Variants in OXCT1 observed in about 807,000 individuals in gnomAD.
The protein encoded by OXCT1 is succinyl-CoA:3-ketoacid coenzyme A transferase 1, mitochondrial.
A neutral mutation model predicts 69.6 loss-of-function variants in OXCT1; 27 were observed. The observed-to-expected ratio is 0.39, with a 90% CI of 0.29 to 0.54. The LOEUF is 0.54. Among genes scored for constraint, OXCT1 ranks in the 20% least tolerant of loss-of-function variants. The pLI is 0.72. For missense variants in OXCT1, 437 were observed against 650.2 expected (o/e 0.67, Z 3.57); for synonymous variants, 202 against 217.8 (o/e 0.93, Z 0.64).
chr5:41,843,664 T>C (rs1748755171), intron 5 of OXCT1: 1 of 452,650 alleles, frequency 2.2e-6, no homozygotes, highest in Non-Finnish European at 4.4e-6. Flanking sequence ...AATGGAGCCA[T>C]GTGAATGTAG....
chr5:41,849,873 AT>A (rs1456166641), intron 5 of OXCT1, among the ~76,000 whole-genome samples, 156 bp downstream of exon 5: 2 of 152,166 alleles, frequency 1.3e-5, no homozygotes, highest in East Asian at 3.9e-4. Context: ...ATGCTAGTGG[AT>A]GCCCAGATTT....
At chr5:41,818,239 A>C (rs755437232) in intron 7 of OXCT1, among the ~76,000 whole-genome samples, 8 of 152,182 alleles carry the variant, frequency 5.3e-5, no homozygotes, top group Non-Finnish European at 1.2e-4. Flanking sequence ...GCAATAATAG[A>C]GGGAACATTC....
At chr5:41,831,438 CT>C (rs1270056793) in intron 7 of OXCT1, among the ~76,000 whole-genome samples, 1 of 152,146 alleles carries the variant, frequency 6.6e-6, no homozygotes, top group Admixed American at 6.6e-5. Flanking sequence ...CCTTTTCATG[CT>C]TTGTTTTTCC....
chr5:41,813,526 C>T (rs189071831), intron 7 of OXCT1, among the ~76,000 whole-genome samples: 2 of 152,188 alleles, frequency 1.3e-5, no homozygotes. Context: ...TAGACCCCTG[C>T]TCTAATGGTT....
chr5:41,834,717 C>G (rs893824319), intron 7 of OXCT1, among the ~76,000 whole-genome samples: 1 of 152,058 alleles, frequency 6.6e-6, no homozygotes, highest in African/African-American at 2.4e-5. Context: ...GATTAAAATA[C>G]AACAGCTGGA....
intron 9 of OXCT1, among the ~76,000 whole-genome samples, chr5:41,804,809 T>C (rs1480543032): frequency 1.3e-5 from 2 of 152,192 alleles, no homozygotes; most frequent in East Asian, 3.9e-4. Context: ...AATGGAGACA[T>C]TTGTCATGTC....
rs765464027 is a variant in OXCT1, at chr5:41,794,753, A to AACAC, written c.1100-8_1100-5dup. ...AGAATAGTAACTGTTTCCTTGCCTAAACACACACACACACAAAAGAAAGAA... is the reference window on the plus strand; with the variant it reads ...AGAATAGTAACTGTTTCCTTGCCTAAACACACACACACACACACAAAAGAAAGAA... On this transcript the variant is annotated splice_region_variant and splice_polypyrimidine_tract_variant and intron_variant, in intron 11 of 16. Coordinates refer to ENST00000196371, the MANE Select transcript of OXCT1 (RefSeq NM_000436.4). 2.5e-6 allele frequency: 4 copies of AACAC among 1,605,078 alleles called. No homozygotes were observed. The highest frequency in any genetic ancestry group is 2.2e-5 in the East Asian group (1 of 44,594).
chr5:41,759,070 G>C (rs1744220794), intron 14 of OXCT1, among the ~76,000 whole-genome samples: 1 of 148,026 alleles, frequency 6.8e-6, no homozygotes, highest in Non-Finnish European at 1.5e-5. Context: ...TAAGCAAAGA[G>C]AGCTTTGTCC....
intron 10 of OXCT1, 117 bp from the exon 11 acceptor site, chr5:41,801,187 G>T: frequency 1.2e-6 from 1 of 818,000 alleles, no homozygotes; most frequent in Non-Finnish European, 2.1e-6. Flanking sequence ...CCGAAGACTT[G>T]AGGTAAACTT....
chr5:41,845,658 C>A (rs1748861188), intron 5 of OXCT1, among the ~76,000 whole-genome samples: 1 of 152,048 alleles, frequency 6.6e-6, no homozygotes, highest in Non-Finnish European at 1.5e-5. Flanking sequence ...GTTTGAGGCA[C>A]CTGATTCCAG....
chr5:41,835,607 TACC>T (rs1257897045), intron 7 of OXCT1, among the ~76,000 whole-genome samples: 8 of 152,216 alleles, frequency 5.3e-5, no homozygotes, highest in Admixed American at 5.2e-4. Flanking sequence ...CAGGCAAACA[TACC>T]ACAATATAAA....
At chr5:41,859,889 A>ATATAT (rs1491189806) in intron 3 of OXCT1, among the ~76,000 whole-genome samples, 1 of 88,654 alleles carries the variant, frequency 1.1e-5, no homozygotes, top group Non-Finnish European at 2.8e-5. Context: ...ATATATATGT[A>ATATAT]ATATATATAT....
chr5:41,863,530 G>A (rs927990412), intron 1 of OXCT1, among the ~76,000 whole-genome samples: 1 of 151,942 alleles, frequency 6.6e-6, no homozygotes, highest in Non-Finnish European at 1.5e-5. Context: ...AAAGCCTGGC[G>A]CTTTAAGTGA....
intron 2 of OXCT1, 53 bp from the exon 3 acceptor site, chr5:41,861,457 T>G (rs761640556): frequency 9.9e-7 from 1 of 1,012,392 alleles, no homozygotes; most frequent in Non-Finnish European, 1.6e-6. Context: ...CAATGTTCTT[T>G]CAGAGAAGTG....
intron 13 of OXCT1, among the ~76,000 whole-genome samples, chr5:41,774,381 C>G (rs550670315): frequency 5.0e-4 from 76 of 152,250 alleles, no homozygotes; most frequent in African/African-American, 1.6e-3. Flanking sequence ...CACCTAGCAC[C>G]CAGATCTTGG....
chr5:41,824,021 G>A (rs535993981), intron 7 of OXCT1, among the ~76,000 whole-genome samples: 68 of 152,154 alleles, frequency 4.5e-4, no homozygotes, highest in Non-Finnish European at 5.9e-5. Context: ...TGCAAGTAAG[G>A]AGACTGTAAA....
At chr5:41,754,521 C>A (rs1743966253) in intron 14 of OXCT1, among the ~76,000 whole-genome samples, 1 of 151,798 alleles carries the variant, frequency 6.6e-6, no homozygotes, top group South Asian at 2.1e-4. Flanking sequence ...CTCATGTACC[C>A]CATAAATATA....
chr5:41,775,122 C>T lies in OXCT1; in HGVS notation c.1249-12922G>A, dbSNP rs1579710473. 2.0e-5 allele frequency among the ~76,000 whole-genome samples: 3 copies of T among 152,158 alleles called. No individual in the cohort carries two copies. In the South Asian group the frequency reaches 6.2e-4, roughly 32 times the overall value. On this transcript the variant is annotated intron_variant, in intron 13 of 16. Transcript: ENST00000196371. ...ATCAAATATGTGGGGTTTTTCCTTA[C>T]ACCACCCAATTCTGTAACCAGCTGA...
chr5:41,851,129 T>C (rs1019698902), intron 4 of OXCT1, among the ~76,000 whole-genome samples: 3 of 152,138 alleles, frequency 2.0e-5, no homozygotes, highest in African/African-American at 7.2e-5. Context: ...GATCTGCCTC[T>C]TTAAGAAAAA....
Sources: allele counts gnomAD v4.1 joint callset (sites outside exome capture counted in the v4.1 genomes callset), GRCh38; gene constraint gnomAD v4.1.1; transcripts MANE v1.5; gene names NCBI Gene and HGNC (gene_info 2026-07-23, HGNC 2026-07-21).